The following LINGO3 variants were observed in gnomAD, a reference collection of about 807,000 sequenced individuals.
LINGO3 encodes the protein leucine-rich repeat and immunoglobulin-like domain-containing nogo receptor-interacting protein 3.
For synonymous variants in LINGO3, 427 were observed against 444.2 expected (o/e 0.96, Z 0.49); for missense variants, 750 against 867.7 (o/e 0.86, Z 1.70).
the LINGO3 span, among the ~76,000 whole-genome samples, chr19:2,303,783 C>T: frequency 2.6e-5 from 4 of 152,232 alleles, no homozygotes; most frequent in Admixed American, 6.5e-5. Context: ...GTTACCCACA[C>T]GCAGAGCTGT....
chr19:2,297,714 C>A, the LINGO3 span, among the ~76,000 whole-genome samples: 1 of 151,120 alleles, frequency 6.6e-6, no homozygotes, highest in African/African-American at 2.4e-5. Context: ...AAGTGATTCT[C>A]CTGTCTCAGC....
chr19:2,289,945 G>GCGAGCGGCCGGC, exon 1 of LINGO3: 1 of 1,418,214 alleles, frequency 7.1e-7, no homozygotes, highest in Non-Finnish European at 9.5e-7. Context: ...AGGTGGACAC[G>GCGAGCGGCCGGC]CGAGCGGCCG....
chr19:2,287,815 A>G (rs2025480537), downstream of LINGO3, among the ~76,000 whole-genome samples: 1 of 152,160 alleles, frequency 6.6e-6, no homozygotes. This position sits in a 1 kb window ranked among gnomAD's most constrained non-coding sequence, Gnocchi z 4.5. Context: ...ACCAGCTGAG[A>G]TCACATAGCC....
At chr19:2,297,302 CCCT>C in the LINGO3 span, among the ~76,000 whole-genome samples, 2 of 143,500 alleles carry the variant, frequency 1.4e-5, no homozygotes, top group Admixed American at 6.8e-5. Context: ...CTCCCTCCCC[CCCT>C]TTTTTTTTTT....
chr19:2,294,231 C>T (rs1201444560), upstream of LINGO3, among the ~76,000 whole-genome samples: 1 of 152,106 alleles, frequency 6.6e-6, no homozygotes, highest in Non-Finnish European at 1.5e-5. The surrounding 1 kb of genome is among the most constrained non-coding windows in gnomAD (Gnocchi z 4.3). Context: ...ACACACCTAG[C>T]CCTATACAGG....
rs1599163541 is a variant in LINGO3, at chr19:2,290,504, C to T, written c.1273G>A (p.Val425Ile). 6.7e-7 allele frequency: 1 copy of T among 1,500,872 alleles called. No individual in the cohort carries two copies. The highest frequency in any genetic ancestry group is 8.9e-7 in the Non-Finnish European group (1 of 1,129,634). The allele number at this position is 1,500,872 out of a possible 1,614,324, so 93.0% of individuals were successfully genotyped here. The stretch of plus-strand genomic sequence containing the variant: ...CCCTCGGCGCGGCAGAGGAAGCGGA[C>T]GTCTTCGCCCGCGGTGGCCGTGACG... Residue 425 changes from valine to isoleucine, a missense_variant, in exon 1 of 1, where the codon GTC becomes ATC. By Grantham distance (29) the Val-to-Ile change is conservative (BLOSUM62 3). Coordinates refer to ENST00000585527, the Ensembl canonical transcript of LINGO3. The surrounding 1 kb of genome is among the most constrained non-coding windows in gnomAD (Gnocchi z 6.0).
chr19:2,289,675 T>G, downstream of LINGO3: 2 of 304,894 alleles, frequency 6.6e-6, no homozygotes, highest in Non-Finnish European at 1.2e-5. Context: ...GATCCTGGGG[T>G]CTCTGAGCGC....
At chr19:2,291,512 C>A in exon 1 of LINGO3, 5 of 1,609,956 alleles carry the variant, frequency 3.1e-6, no homozygotes, top group Non-Finnish European at 4.2e-6. Context: ...TGCGCGATGG[C>A]GTTCTCGCTC....
At position 2,291,121 on chromosome 19, in the gene LINGO3, CG is replaced by C; in HGVS notation, c.655del (p.Arg219AlafsTer28). On this transcript the variant is annotated frameshift_variant, in exon 1 of 1. Transcript: ENST00000585527. LOFTEE classifies it low-confidence loss of function (END_TRUNC). ...CAGGTGCAGCAGCCCGGGCAGCCTG[CG>C]GAAGTTCTGGTCCTCCAGGGAGGCG... 6.2e-7 allele frequency: 1 copy of C among 1,607,890 alleles called. No individual in the cohort carries two copies. The highest frequency in any genetic ancestry group is 8.5e-7 in the Non-Finnish European group (1 of 1,178,790).
exon 1 of LINGO3, chr19:2,291,687 C>G: frequency 7.5e-7 from 1 of 1,341,420 alleles, no homozygotes; most frequent in African/African-American, 1.6e-5. Context: ...GCACGGTGCA[C>G]TCGCAGCGGG....
chr19:2,302,683 G>A, the LINGO3 span, among the ~76,000 whole-genome samples: 8 of 152,246 alleles, frequency 5.3e-5, no homozygotes, highest in Admixed American at 5.2e-4. Context: ...GGAGCGCGGC[G>A]TCGACCCCTG....
At chr19:2,304,625 G>A in the LINGO3 span, among the ~76,000 whole-genome samples, 3 of 152,012 alleles carry the variant, frequency 2.0e-5, no homozygotes, top group Admixed American at 6.6e-5. Flanking sequence ...CAAGGGATGC[G>A]GGTGCCTCTG....
At position 2,290,044 on chromosome 19, in the gene LINGO3, G is replaced by T; in HGVS notation, c.1733C>A (p.Ala578Glu). The change falls in exon 1 of 1, where the codon GCG (alanine) becomes GAG (glutamate). Residue 578 changes from alanine (A) to glutamate (E), a missense_variant. By Grantham distance (107) the Ala-to-Glu change is moderately radical. Transcript: ENST00000585527. This position sits in a 1 kb window ranked among gnomAD's most constrained non-coding sequence, Gnocchi z 6.0. The stretch of plus-strand genomic sequence containing the variant: ...CTTGCGCGCGCCTCCCTGGCCCGCC[G>T]CGGCGGCCGGCCCATCCACCTTGCG... The T allele has an allele frequency of 1.9e-6, 3 of 1,550,612 alleles. No homozygotes were observed. The South Asian group carries it at 3.6e-5, about 18-fold the overall frequency.
upstream of LINGO3, among the ~76,000 whole-genome samples, chr19:2,294,977 G>C (rs1325156394): frequency 6.6e-6 from 1 of 152,070 alleles, no homozygotes; most frequent in Non-Finnish European, 1.5e-5. This position sits in a 1 kb window ranked among gnomAD's most constrained non-coding sequence, Gnocchi z 4.3. Flanking sequence ...CCCAAACCAG[G>C]TTGTGCGTCT....
At chr19:2,288,659 C>T (rs1473257052), downstream of LINGO3, among the ~76,000 whole-genome samples, 1 of 152,138 alleles carries the variant, frequency 6.6e-6, no homozygotes, top group Non-Finnish European at 1.5e-5. The surrounding 1 kb of genome is among the most constrained non-coding windows in gnomAD (Gnocchi z 6.5). Flanking sequence ...TGTGGACAGC[C>T]CTGCTGGGCT....
chr19:2,291,346 T>C (rs774456646), exon 1 of LINGO3: 2 of 1,613,184 alleles, frequency 1.2e-6, no homozygotes, highest in Admixed American at 1.7e-5. Context: ...CTGGAAAGTG[T>C]AGTCCAGCAG....
chr19:2,291,398 T>C, exon 1 of LINGO3: 1 of 1,613,388 alleles, frequency 6.2e-7, no homozygotes, highest in Non-Finnish European at 8.5e-7. Context: ...AGCGTGAGGT[T>C]GTCCAGGCGC....
exon 1 of LINGO3, chr19:2,291,798 G>T: frequency 7.5e-6 from 11 of 1,458,116 alleles, no homozygotes; most frequent in Non-Finnish European, 1.0e-5. Flanking sequence ...TGGGCCTAGG[G>T]CCGCGCCACC....
the LINGO3 span, among the ~76,000 whole-genome samples, chr19:2,300,899 C>T: frequency 0.02 from 2,990 of 152,288 alleles, 97 homozygotes; most frequent in African/African-American, 0.068. Flanking sequence ...GGGGCCTGGT[C>T]GTTCTCTGGG....
Sources: gnomAD v4.1 joint callset for allele counts (sites outside exome capture counted in the v4.1 genomes callset) on GRCh38, gnomAD v4.1.1 for gene constraint, Gnocchi (gnomAD v3.1) non-coding constraint, MANE v1.5 for transcripts, NCBI Gene and HGNC (gene_info 2026-07-23, HGNC 2026-07-21) for gene names.